PDIA3: variants seen among roughly 807,000 people sequenced by gnomAD.
The protein encoded by PDIA3 is protein disulfide-isomerase A3.
Under a neutral mutation model 56.9 loss-of-function variants are expected in PDIA3, and 16 were observed. The observed-to-expected ratio is 0.28, with a 90% CI of 0.19 to 0.43. The LOEUF is 0.43. Among genes scored for constraint, PDIA3 ranks in the 20% least tolerant of loss-of-function variants. PDIA3 has a pLI of 1.00. For synonymous variants in PDIA3, 192 were observed against 216.5 expected, an observed-to-expected ratio of 0.89 and a Z score of 0.99; for missense variants, 485 against 621.3, an observed-to-expected ratio of 0.78 and a Z score of 2.33.
At chr15:43,762,925 A>AT in intron 4 of PDIA3, 152 bp from the exon 5 acceptor site, 2 of 624,246 alleles carry the variant, frequency 3.2e-6, no homozygotes, top group Non-Finnish European at 5.4e-6. Context: ...CATCCTAAAT[A>AT]TTGTGCCTGT....
chr15:43,757,532 T>C (rs1339903789), intron 3 of PDIA3, among the ~76,000 whole-genome samples: 6 of 142,772 alleles, frequency 4.2e-5, no homozygotes, highest in Non-Finnish European at 9.0e-5. Flanking sequence ...CACTCCAACA[T>C]GGGCGACAGA....
rs989774720 is a variant in PDIA3 at position 43,751,152 on chromosome 15, T to A, written c.168-2672T>A. Among the ~76,000 whole-genome samples the A allele has an allele frequency of 1.4e-4, 21 of 145,112 alleles. No homozygotes were observed. The South Asian group carries it at 3.1e-3, about 21-fold the overall frequency. Reference sequence around the variant, plus strand: ...GTCTCGAAAAAAAAAAAAAAAATAATATATGTGCTAATTTCTTTACTTGTA... The same window carrying A: ...GTCTCGAAAAAAAAAAAAAAAATAAAATATGTGCTAATTTCTTTACTTGTA... On this transcript the variant is annotated intron_variant, in intron 1 of 12. Transcript: ENST00000300289.
intron 1 of PDIA3, among the ~76,000 whole-genome samples, chr15:43,749,075 TTTTTGTTTTTG>T (rs2086726667): frequency 6.6e-6 from 1 of 151,650 alleles, no homozygotes; most frequent in Admixed American, 6.6e-5. Context: ...CCAGCCTGTT[TTTTTGTTTTTG>T]TTTTGTTTTG....
intron 12 of PDIA3, 111 bp downstream of exon 12, chr15:43,770,691 G>A (rs138128779): frequency 1.5e-5 from 12 of 778,522 alleles, no homozygotes; most frequent in South Asian, 1.2e-4. Context: ...TTTTTGAGAC[G>A]GAGTTTCGCT....
rs542570384 is a variant in PDIA3, at chr15:43,746,589, C to T, written c.50C>T (p.Ala17Val). Residue 17 changes from alanine to valine, a missense_variant, in exon 1 of 13, where the codon GCC (alanine) becomes GTC (valine). Physicochemically the swap from Ala to Val is moderately conservative, Grantham distance 64 (BLOSUM62 0). Transcript: ENST00000300289. ...TTCCCGGGTGTGGCGCTGCTTCTTGCCGCGGCCCGCCTCGCCGCTGCCTCC... is the reference window on the plus strand; with the variant it reads ...TTCCCGGGTGTGGCGCTGCTTCTTGTCGCGGCCCGCCTCGCCGCTGCCTCC... ...ALFPGVALLL[A>V]AARLAAASDV... 4 of 1,611,130 alleles carry T rather than the reference C, an allele frequency of 2.5e-6. No homozygotes were observed. The African/African-American group carries it at 4.0e-5, about 16-fold the overall frequency.
At chr15:43,758,396 T>C (rs916731804) in intron 3 of PDIA3, among the ~76,000 whole-genome samples, 7 of 152,024 alleles carry the variant, frequency 4.6e-5, no homozygotes, top group African/African-American at 1.4e-4. Context: ...TGGTGGCTCA[T>C]GCCTATAATC....
chr15:43,763,802 A>G (rs1309710376), intron 5 of PDIA3, among the ~76,000 whole-genome samples: 1 of 151,840 alleles, frequency 6.6e-6, no homozygotes, highest in Non-Finnish European at 1.5e-5. Context: ...TATCAGAAAT[A>G]TTCATAGAGG....
intron 1 of PDIA3, among the ~76,000 whole-genome samples, chr15:43,747,449 T>G (rs1207714443): frequency 6.6e-6 from 1 of 152,206 alleles, no homozygotes; most frequent in Non-Finnish European, 1.5e-5. Flanking sequence ...TTAGGGTGAC[T>G]TAAGTGATCA....
At chr15:43,759,243 T>C (rs1442307130) in intron 3 of PDIA3, among the ~76,000 whole-genome samples, 1 of 152,080 alleles carries the variant, frequency 6.6e-6, no homozygotes, top group East Asian at 1.9e-4. Context: ...TAAGCGGAGA[T>C]AGCACCACTG....
At chr15:43,762,283 G>C (rs1394649120) in intron 4 of PDIA3, among the ~76,000 whole-genome samples, 1 of 152,078 alleles carries the variant, frequency 6.6e-6, no homozygotes, top group African/African-American at 2.4e-5. Context: ...AGGCTGAAGC[G>C]GGCGGATCAC....
At chr15:43,757,574 G>A (rs747903903) in intron 3 of PDIA3, among the ~76,000 whole-genome samples, 1,559 of 143,878 alleles carry the variant, frequency 0.011, 20 homozygotes, top group African/African-American at 0.038. Flanking sequence ...AAAAAAAAAA[G>A]TGTGGGCCAG....
chr15:43,755,220 G>A (rs1211430548), intron 2 of PDIA3, among the ~76,000 whole-genome samples: 1 of 152,076 alleles, frequency 6.6e-6, no homozygotes, highest in Non-Finnish European at 1.5e-5. Context: ...CCAGCTACTT[G>A]GAAGGCTGAG....
In PDIA3 at chr15:43,765,457, A is replaced by G; in HGVS notation, c.610A>G (p.Ile204Val). 1 of 1,584,210 alleles carries G rather than the reference A, an allele frequency of 6.3e-7. No individual in the cohort carries two copies. Among genetic ancestry groups the G allele is most frequent in the African/African-American group, 1.4e-5 (1 of 73,978 alleles). ...NEYDDNGEGI[I>V]LFRPSHLTNK... ...TTCTTTTTTTTTTTTAAGGGGTATC[A>G]TCTTATTTCGTCCTTCACATCTCAC... Residue 204 changes from isoleucine (I) to valine (V), a missense_variant, in exon 6 of 13, where the codon ATC (isoleucine) becomes GTC (valine). Ile to Val is a conservative substitution (Grantham distance 29, BLOSUM62 3). Transcript: ENST00000300289.
At chr15:43,755,296 C>T (rs757569983) in intron 2 of PDIA3, among the ~76,000 whole-genome samples, 42 of 152,082 alleles carry the variant, frequency 2.8e-4, no homozygotes, top group Admixed American at 2.7e-3. Flanking sequence ...GCACTGTACT[C>T]CAGCCTGGGC....
intron 10 of PDIA3, 119 bp from the exon 11 acceptor site, chr15:43,770,131 G>A (rs2086872437): frequency 1.2e-5 from 9 of 769,970 alleles, no homozygotes; most frequent in East Asian, 2.7e-5. Context: ...CACCACACCC[G>A]GCTAATTTTT....
At chr15:43,749,968 T>C (rs1415660646) in intron 1 of PDIA3, among the ~76,000 whole-genome samples, 1 of 151,514 alleles carries the variant, frequency 6.6e-6, no homozygotes, top group African/African-American at 2.4e-5. Context: ...AAATGGGCTT[T>C]TTTTTTTTTA....
At chr15:43,766,134 T>TAA (rs34486889) in intron 7 of PDIA3, 122 bp downstream of exon 7, 1,479 of 336,168 alleles carry the variant, frequency 4.4e-3, no homozygotes, top group South Asian at 5.4e-3. Flanking sequence ...TAAGAAGAGG[T>TAA]AAAAAAAAAA....
At chr15:43,758,891 C>T (rs531351489) in intron 3 of PDIA3, among the ~76,000 whole-genome samples, 1 of 151,810 alleles carries the variant, frequency 6.6e-6, no homozygotes, top group East Asian at 1.9e-4. Context: ...GCAGGAGACT[C>T]GCTTGAACCT....
intron 1 of PDIA3, chr15:43,751,547 G>A (rs747227918): frequency 7.8e-7 from 1 of 1,277,958 alleles, no homozygotes. Context: ...AAGGATGTAT[G>A]TTAACCAACC....
Sources: allele counts gnomAD v4.1 joint callset (sites outside exome capture counted in the v4.1 genomes callset), GRCh38; gene constraint gnomAD v4.1.1; transcripts MANE v1.5; gene names NCBI Gene and HGNC (gene_info 2026-07-23, HGNC 2026-07-21).